The following TRIM22 variants were observed in gnomAD, a reference collection of about 807,000 sequenced individuals.
The protein encoded by TRIM22 is tripartite motif containing 22.
A neutral mutation model predicts 53.6 loss-of-function variants in TRIM22; 45 were observed. The observed-to-expected ratio is 0.84, with a 90% CI of 0.66 to 1.08. The LOEUF (loss-of-function observed/expected upper bound fraction) is 1.08. TRIM22 is among the 50% of genes least tolerant of loss of function. The pLI is 0.00. For missense variants in TRIM22, 616 were observed against 590.9 expected (o/e 1.04, Z -0.44); for synonymous variants, 225 against 216.6 (o/e 1.04, Z -0.34).
At position 5,697,351 on chromosome 11, in the gene TRIM22, G is replaced by C. The variant is rs760088006; in HGVS notation, c.519+8G>C. ...GAGAGAACCGCCTGGAAGGCAGGAGGAGACACCTCCTAAGGGATAATTAGA... is the reference window on the plus strand; with the variant it reads ...GAGAGAACCGCCTGGAAGGCAGGAGCAGACACCTCCTAAGGGATAATTAGA... On this transcript the variant is annotated splice_region_variant and intron_variant, in intron 3 of 7. Transcript: ENST00000379965. 2.6e-5 allele frequency: 42 copies of C among 1,607,708 alleles called. No individual in the cohort carries two copies. The highest frequency in any genetic ancestry group is 3.5e-5 in the Non-Finnish European group (41 of 1,175,664).
At chr11:5,695,954 G>C (rs1853252501) in intron 1 of TRIM22, among the ~76,000 whole-genome samples, 1 of 152,180 alleles carries the variant, frequency 6.6e-6, no homozygotes, top group South Asian at 2.1e-4. Context: ...TAATTGCCTT[G>C]ATGGGGTGAA....
At chr11:5,693,189 C>CTTT (rs55820335) in intron 1 of TRIM22, among the ~76,000 whole-genome samples, 1,264 of 125,560 alleles carry the variant, frequency 0.01, 33 homozygotes, top group Admixed American at 0.054. Context: ...GCCTGGCCAT[C>CTTT]TTTTTTTTTT....
At chr11:5,702,976 TTGTG>T (rs941252724) in intron 4 of TRIM22, among the ~76,000 whole-genome samples, 2 of 152,222 alleles carry the variant, frequency 1.3e-5, no homozygotes, top group African/African-American at 4.8e-5. Context: ...AGTTGTGTGT[TTGTG>T]TGTGTATATT....
At chr11:5,694,416 T>G (rs1465482958) in intron 1 of TRIM22, among the ~76,000 whole-genome samples, 1 of 152,196 alleles carries the variant, frequency 6.6e-6, no homozygotes, top group East Asian at 1.9e-4. Flanking sequence ...AAGGTGAAAT[T>G]TCAACATTTA....
At chr11:5,691,284 C>G (rs1384737655) in intron 1 of TRIM22, 1 of 152,266 alleles carries the variant, frequency 6.6e-6, no homozygotes, top group East Asian at 1.9e-4. Flanking sequence ...GCTCACAACT[C>G]TAAGGGGGTC....
rs1853324093 is a variant in TRIM22 at position 5,699,312 on chromosome 11, C to G, written c.750+767C>G. Among the ~76,000 whole-genome samples the G allele has an allele frequency of 1.6e-5, 2 of 128,350 alleles. 1 individual carries two copies. Among genetic ancestry groups the G allele is most frequent in the African/African-American group, 7.5e-5 (2 of 26,774 alleles). 84.2% of individuals were successfully genotyped at this position (128,350 alleles called of 152,430 possible). ...GGCCGAGGCGGGTGGATCATGAGGTCAGGAGATCGAGACCATCCTGGCTAA... is the reference window on the plus strand; with the variant it reads ...GGCCGAGGCGGGTGGATCATGAGGTGAGGAGATCGAGACCATCCTGGCTAA... On this transcript the variant is annotated intron_variant, in intron 4 of 7. Transcript: ENST00000379965.
intron 2 of TRIM22, 146 bp from the exon 3 acceptor site, chr11:5,697,102 C>G (rs1853276767): frequency 1.7e-6 from 1 of 598,386 alleles, no homozygotes; most frequent in Non-Finnish European, 2.9e-6. Context: ...CTCAGATTTT[C>G]CCCCATGCCA....
At chr11:5,698,714 T>C (rs1853315164) in intron 4 of TRIM22, among the ~76,000 whole-genome samples, 169 bp downstream of exon 4, 2 of 152,234 alleles carry the variant, frequency 1.3e-5, no homozygotes, top group Non-Finnish European at 2.9e-5. Flanking sequence ...ACAGAGATCA[T>C]TAAGTGTATG....
At chr11:5,693,406 A>G (rs1853206497) in intron 1 of TRIM22, among the ~76,000 whole-genome samples, 1 of 151,912 alleles carries the variant, frequency 6.6e-6, no homozygotes, top group Admixed American at 6.6e-5. Context: ...CAATGGGGCT[A>G]CATTTCTTCA....
rs995288027 is a variant in TRIM22, at chr11:5,709,954, A to G, written c.*306A>G. ...CCTCTCTCCTTGGCTTGTAGAAGGC[A>G]TCTTGTCCCTATGACTCTTCACATT... On this transcript the variant is annotated 3_prime_UTR_variant, in exon 8 of 8. Coordinates refer to ENST00000379965, the MANE Select transcript of TRIM22 (RefSeq NM_006074.5). The G allele has an allele frequency of 1.8e-5, 6 of 335,250 alleles. No homozygotes were observed. The highest frequency in any genetic ancestry group is 1.2e-4 in the African/African-American group (6 of 48,034). The allele number at this position is 335,250 out of a possible 1,614,324, so 20.8% of individuals were successfully genotyped here.
intron 4 of TRIM22, among the ~76,000 whole-genome samples, chr11:5,700,390 A>C (rs10769181): frequency 0.67 from 101,113 of 151,496 alleles, 34,486 homozygotes; most frequent in African/African-American, 0.8. Flanking sequence ...GCTAGGATTA[A>C]AGGCGTGAGC....
intron 1 of TRIM22, chr11:5,691,031 G>A (rs925189219): frequency 6.6e-6 from 1 of 152,304 alleles, no homozygotes; most frequent in Non-Finnish European, 1.5e-5. Flanking sequence ...CCGCAGGACG[G>A]GCAGACTGCT....
rs1853512122 is a variant in TRIM22, at chr11:5,709,019, T to C, written c.902-34T>C. ...AATGCTGTAAGACACACCTATCCCA[T>C]ATCCTTCACTTGACTTGGTAATTTT... On this transcript the variant is annotated intron_variant, in intron 7 of 7. Coordinates refer to ENST00000379965, the MANE Select transcript of TRIM22 (RefSeq NM_006074.5). 3 of 1,524,838 alleles carry C rather than the reference T, an allele frequency of 2.0e-6. No individual in the cohort carries two copies. In the African/African-American group the frequency reaches 4.1e-5, roughly 21 times the overall value. 94.5% of individuals were successfully genotyped at this position (1,524,838 alleles called of 1,614,324 possible).
intron 2 of TRIM22, 72 bp downstream of exon 2, chr11:5,696,727 T>C (rs1853269297): frequency 6.8e-7 from 1 of 1,478,242 alleles, no homozygotes; most frequent in Non-Finnish European, 9.1e-7. Flanking sequence ...TCCACTTTTT[T>C]TGTCCTGCTT....
At chr11:5,697,110 C>T (rs1853276920) in intron 2 of TRIM22, 138 bp from the exon 3 acceptor site, 2 of 617,212 alleles carry the variant, frequency 3.2e-6, no homozygotes, top group Non-Finnish European at 5.6e-6. Context: ...TTCCCCCATG[C>T]CATAGGTTCT....
chr11:5,703,233 T>C (rs1853400486), intron 4 of TRIM22, among the ~76,000 whole-genome samples: 1 of 152,154 alleles, frequency 6.6e-6, no homozygotes, highest in Admixed American at 6.5e-5. Context: ...GTGTCTATTA[T>C]TTCCATATTT....
rs774261560 is a variant in TRIM22, at chr11:5,709,545, T to C, written c.1394T>C (p.Leu465Pro). 6.2e-7 allele frequency: 1 copy of C among 1,614,170 alleles called. No individual in the cohort carries two copies. The highest frequency in any genetic ancestry group is 8.5e-7 in the Non-Finnish European group (1 of 1,180,036). The change falls in exon 8 of 8, where the codon CTC (leucine) becomes CCC (proline). Residue 465 changes from leucine (L) to proline (P), a missense_variant. Transcript: ENST00000379965. Reference protein sequence around the residue: ...SFFNVTNHGALIYKFSGCRFS... With the variant: ...SFFNVTNHGAPIYKFSGCRFS... ...TTCAATGTCACAAACCACGGAGCAC[T>C]CATCTACAAGTTCTCTGGATGTCGC...
chr11:5,708,739 A>G (rs1404150628), intron 7 of TRIM22, 136 bp downstream of exon 7: 3 of 797,624 alleles, frequency 3.8e-6, no homozygotes, highest in Non-Finnish European at 5.5e-6. Context: ...TTTTTAAGAT[A>G]GATTTTTGCT....
intron 6 of TRIM22, 56 bp downstream of exon 6, chr11:5,708,329 T>G: frequency 1.3e-6 from 2 of 1,518,868 alleles, no homozygotes; most frequent in South Asian, 1.1e-5. Flanking sequence ...CAGGGCTCAA[T>G]AGGGAAGCGG....
Sources: gnomAD v4.1 joint callset for allele counts (sites outside exome capture counted in the v4.1 genomes callset) on GRCh38, gnomAD v4.1.1 for gene constraint, MANE v1.5 for transcripts, NCBI Gene and HGNC (gene_info 2026-07-23, HGNC 2026-07-21) for gene names.